The following PTPRM variants were observed in gnomAD, a reference collection of about 807,000 sequenced individuals.
PTPRM encodes protein tyrosine phosphatase receptor type M.
In PTPRM, 47 loss-of-function variants were observed where a neutral mutation model predicts 186.7. The ratio of observed to expected loss-of-function variants is 0.25; its 90% CI spans 0.20 to 0.32. PTPRM has a LOEUF of 0.32. Ranked by LOEUF, PTPRM falls within the 10% of genes least tolerant of loss-of-function variation. The pLI, the probability that PTPRM is intolerant of heterozygous loss-of-function variation, is 1.00. For synonymous variants in PTPRM, 668 were observed against 674.9 expected (o/e 0.99, Z 0.16); for missense variants, 1,494 against 1,865.0 (o/e 0.80, Z 3.66).
chr18:7,810,833 C>T (rs978587875), intron 2 of PTPRM, among the ~76,000 whole-genome samples: 14 of 152,166 alleles, frequency 9.2e-5, no homozygotes, highest in Admixed American at 8.5e-4. Flanking sequence ...TCTATTGAAA[C>T]ATACAGATTT....
intron 7 of PTPRM, 54 bp from the exon 8 acceptor site, chr18:8,069,632 G>A: frequency 6.8e-7 from 1 of 1,473,242 alleles, no homozygotes; most frequent in African/African-American, 1.4e-5. Flanking sequence ...GGATTGACCT[G>A]AGCCTTTATC....
chr18:8,343,057 C>G (rs1452441176), intron 22 of PTPRM, among the ~76,000 whole-genome samples: 1 of 152,162 alleles, frequency 6.6e-6, no homozygotes, highest in Non-Finnish European at 1.5e-5. Context: ...GGGATATCTG[C>G]TAATTGTTAG....
At chr18:8,256,859 G>A (rs190970804) in intron 19 of PTPRM, among the ~76,000 whole-genome samples, 1 of 152,318 alleles carries the variant, frequency 6.6e-6, no homozygotes, top group East Asian at 1.9e-4. Flanking sequence ...AGAGTCCTAA[G>A]GAATACTATA....
intron 14 of PTPRM, among the ~76,000 whole-genome samples, chr18:8,201,167 T>A (rs1359745984): frequency 2.0e-5 from 3 of 151,944 alleles, no homozygotes; most frequent in Non-Finnish European, 4.4e-5. Flanking sequence ...AATACAAAAA[T>A]TAGCCAGGCA....
At chr18:7,949,828 C>T (rs1181214126) in intron 6 of PTPRM, among the ~76,000 whole-genome samples, 2 of 152,038 alleles carry the variant, frequency 1.3e-5, no homozygotes, top group Non-Finnish European at 2.9e-5. Context: ...CAGTTAGGTT[C>T]TATTACTATA....
chr18:8,091,619 G>A (rs2090734453), intron 11 of PTPRM, among the ~76,000 whole-genome samples: 2 of 142,624 alleles, frequency 1.4e-5, no homozygotes, highest in Admixed American at 1.4e-4. Flanking sequence ...AAAAGTGAAT[G>A]TTGTCTTCAA....
At chr18:7,962,497 G>A (rs1297142804) in intron 7 of PTPRM, among the ~76,000 whole-genome samples, 1 of 152,146 alleles carries the variant, frequency 6.6e-6, no homozygotes, top group Non-Finnish European at 1.5e-5. Context: ...ACTAGATTTA[G>A]GTTCATATTG....
At chr18:7,755,933 A>G (rs545988807) in intron 1 of PTPRM, among the ~76,000 whole-genome samples, 3 of 152,272 alleles carry the variant, frequency 2.0e-5, no homozygotes, top group Admixed American at 6.5e-5. Context: ...AAGTTGCACA[A>G]CTTTGTTCCA....
intron 17 of PTPRM, among the ~76,000 whole-genome samples, chr18:8,250,503 C>T (rs1168639072): frequency 1.3e-5 from 2 of 152,038 alleles, no homozygotes; most frequent in Non-Finnish European, 2.9e-5. Context: ...TGAGGCCAGG[C>T]ACTATATAGT....
intron 5 of PTPRM, among the ~76,000 whole-genome samples, chr18:7,927,641 A>G (rs945086570): frequency 1.1e-4 from 16 of 151,962 alleles, no homozygotes; most frequent in African/African-American, 3.9e-4. Flanking sequence ...ACCTCCTGTC[A>G]TGCCTCGCAG....
At position 8,320,163 on chromosome 18, in the gene PTPRM, C is replaced by G. The variant is rs2095336807; in HGVS notation, c.2956+949C>G. 2.6e-5 allele frequency among the ~76,000 whole-genome samples: 4 copies of G among 152,078 alleles called. No homozygotes were observed. The South Asian group carries it at 8.3e-4, about 32-fold the overall frequency. On this transcript the variant is annotated intron_variant, in intron 22 of 32. Coordinates refer to ENST00000580170, the MANE Select transcript of PTPRM (RefSeq NM_001105244.2). ...ATAGGCTACATCCCAGGAACAGTAG[C>G]AGGGAAGTGAAAAGGATGTGATCTG...
intron 7 of PTPRM, among the ~76,000 whole-genome samples, chr18:7,987,981 A>G (rs2083053002): frequency 6.7e-6 from 1 of 149,272 alleles, no homozygotes; most frequent in Non-Finnish European, 1.5e-5. Flanking sequence ...GTTCAGGACC[A>G]GCCTGGACAA....
In PTPRM at chr18:8,178,004, G is replaced by A. The variant is rs575748472; in HGVS notation, c.2300+34225G>A. Among the ~76,000 whole-genome samples the A allele has an allele frequency of 1.6e-3, 246 of 152,266 alleles. 1 individual carries two copies. The highest frequency in any genetic ancestry group is 5.6e-3 in the African/African-American group (231 of 41,534). ...CTTAGCAGTTGAACAATTCTAGAAG[G>A]TCATATACCAGTTAAACTCTGCCAC... On this transcript the variant is annotated intron_variant, in intron 14 of 32. Coordinates refer to ENST00000580170, the MANE Select transcript of PTPRM (RefSeq NM_001105244.2).
chr18:8,187,573 C>G (rs532839679), intron 14 of PTPRM, among the ~76,000 whole-genome samples: 12 of 152,268 alleles, frequency 7.9e-5, no homozygotes, highest in Non-Finnish European at 1.2e-4. Context: ...TCAAAGTGCT[C>G]TCTGGTAACA....
intron 5 of PTPRM, among the ~76,000 whole-genome samples, chr18:7,946,432 G>A (rs374720482): frequency 6.6e-6 from 1 of 152,140 alleles, no homozygotes; most frequent in Admixed American, 6.5e-5. Flanking sequence ...TGCCTTTATG[G>A]CTTAATTTCT....
intron 30 of PTPRM, among the ~76,000 whole-genome samples, chr18:8,386,162 T>G (rs1272092972): frequency 1.3e-5 from 2 of 152,106 alleles, no homozygotes; most frequent in Non-Finnish European, 2.9e-5. Flanking sequence ...TTTAGGCCCC[T>G]AAGTGGGAAT....
At chr18:7,592,680 G>T (rs1346755080) in intron 1 of PTPRM, among the ~76,000 whole-genome samples, 2 of 152,224 alleles carry the variant, frequency 1.3e-5, no homozygotes, top group Non-Finnish European at 2.9e-5. Flanking sequence ...AGTCAGCAGG[G>T]TCCTAGAATT....
intron 1 of PTPRM, among the ~76,000 whole-genome samples, chr18:7,726,991 A>G (rs926554156): frequency 3.9e-5 from 6 of 152,108 alleles, no homozygotes; most frequent in African/African-American, 1.4e-4. Context: ...CTAATTTTAT[A>G]TAATTCAGTG....
chr18:8,206,268 A>ATTTTATTTTTTTTTTTTTTTTTTTTTT (rs1238112461), intron 14 of PTPRM, among the ~76,000 whole-genome samples: 4 of 148,978 alleles, frequency 2.7e-5, no homozygotes, highest in African/African-American at 1.0e-4. Context: ...ATTTTATTTT[A>ATTTTATTTTTTTTTTTTTTTTTTTTTT]TTTTGAGACG....
Sources: allele counts gnomAD v4.1 joint callset (sites outside exome capture counted in the v4.1 genomes callset), GRCh38; gene constraint gnomAD v4.1.1; transcripts MANE v1.5; gene names NCBI Gene and HGNC (gene_info 2026-07-23, HGNC 2026-07-21).